Variants in RELN observed in about 807,000 individuals in gnomAD.
RELN encodes the protein reelin.
A neutral mutation model predicts 427.6 loss-of-function variants in RELN; 108 were observed. That is an observed-to-expected ratio of 0.25 (90% CI 0.22 to 0.30). The LOEUF is 0.30. Ranked by LOEUF, RELN falls within the 10% of genes least tolerant of loss-of-function variation. The probability of loss-of-function intolerance (pLI) is 1.00; values close to 1 mark genes in which losing one functional copy is unlikely to be tolerated. For synonymous variants in RELN, 1,524 were observed against 1,513.4 expected (o/e 1.01, Z -0.16); for missense variants, 3,715 against 4,302.8 (o/e 0.86, Z 3.82).
chr7:103,649,263 G>T (rs1359937113), intron 16 of RELN, among the ~76,000 whole-genome samples: 1 of 151,982 alleles, frequency 6.6e-6, no homozygotes. Flanking sequence ...CCATGAAAAA[G>T]AATGAAATCG....
Position 103,782,438 on chromosome 7 carries a change from G to A in RELN, c.474-5811C>T, listed in dbSNP as rs564451901. Among the ~76,000 whole-genome samples, 15 of 152,194 alleles carry A rather than the reference G, an allele frequency of 9.9e-5. No individual in the cohort carries two copies. In the South Asian group the frequency reaches 2.9e-3, roughly 29 times the overall value. ...ACTCTAGGCAACAGACTCCCTATCT[G>A]AGGATAGGGATAACTTGAAATAATA... On this transcript the variant is annotated intron_variant, in intron 3 of 64. Transcript: ENST00000428762.
intron 2 of RELN, among the ~76,000 whole-genome samples, chr7:103,912,967 C>T (rs959764253): frequency 1.3e-5 from 2 of 152,030 alleles, no homozygotes; most frequent in Non-Finnish European, 2.9e-5. Context: ...AAACATCACA[C>T]TTCCCAAGGG....
intron 17 of RELN, among the ~76,000 whole-genome samples, chr7:103,638,261 GCTA>G (rs1832625365): frequency 6.6e-6 from 1 of 152,054 alleles, no homozygotes; most frequent in Non-Finnish European, 1.5e-5. Context: ...CCACTGTTAA[GCTA>G]CATGGATGAC....
chr7:103,494,178 C>T (rs1298850558), intron 57 of RELN, among the ~76,000 whole-genome samples: 2 of 152,122 alleles, frequency 1.3e-5, no homozygotes, highest in African/African-American at 2.4e-5. Context: ...ATTTGGGGAG[C>T]TTGCCTTACC....
intron 8 of RELN, among the ~76,000 whole-genome samples, chr7:103,720,126 T>C (rs143481070): frequency 1.5e-3 from 229 of 151,696 alleles, no homozygotes; most frequent in Middle Eastern, 3.4e-3. Flanking sequence ...GATACACACA[T>C]GTATGTATAC....
At chr7:103,975,112 A>G (rs1796844079) in intron 1 of RELN, among the ~76,000 whole-genome samples, 2 of 152,256 alleles carry the variant, frequency 1.3e-5, no homozygotes, top group South Asian at 4.1e-4. Context: ...CTTTTCAAAC[A>G]TTGTTATCAC....
At chr7:103,632,730 G>A (rs964596954) in intron 19 of RELN, among the ~76,000 whole-genome samples, 1 of 151,950 alleles carries the variant, frequency 6.6e-6, no homozygotes, top group Non-Finnish European at 1.5e-5. Context: ...TTTTTTAAAT[G>A]TTTTATAGTA....
chr7:103,761,016 A>C (rs866413076), intron 4 of RELN, among the ~76,000 whole-genome samples: 1 of 152,218 alleles, frequency 6.6e-6, no homozygotes, highest in Non-Finnish European at 1.5e-5. Context: ...GTTCAAGAAC[A>C]TACTTATGCT....
chr7:103,495,023 A>C (rs2528871), intron 57 of RELN, among the ~76,000 whole-genome samples: 69,252 of 151,854 alleles, frequency 0.46, 18,581 homozygotes, highest in African/African-American at 0.75. Flanking sequence ...CAGAGTAGAG[A>C]TAGAAGTAGG....
At chr7:103,662,625 C>CAAAAAAAAAAAA (rs747230376) in intron 11 of RELN, among the ~76,000 whole-genome samples, 1 of 77,350 alleles carries the variant, frequency 1.3e-5, no homozygotes, top group African/African-American at 5.3e-5. Context: ...GACTCCGTCA[C>CAAAAAAAAAAAA]AAAAAAAAAA....
intron 6 of RELN, among the ~76,000 whole-genome samples, chr7:103,737,615 A>G (rs638355): frequency 0.22 from 33,285 of 152,182 alleles, 4,805 homozygotes; most frequent in African/African-American, 0.41. Flanking sequence ...GTATTTCTAT[A>G]CTATTTGTTC....
At chr7:103,743,358 C>T (rs1790722352) in intron 6 of RELN, among the ~76,000 whole-genome samples, 2 of 152,142 alleles carry the variant, frequency 1.3e-5, no homozygotes, top group Non-Finnish European at 2.9e-5. Flanking sequence ...CACCAACTAA[C>T]AAGCAAAATA....
intron 50 of RELN, chr7:103,513,149 C>A (rs148373402): frequency 6.6e-6 from 1 of 152,172 alleles, no homozygotes; most frequent in Non-Finnish European, 1.5e-5. Context: ...GGGGTACATA[C>A]TTCATTTTAT....
intron 2 of RELN, among the ~76,000 whole-genome samples, chr7:103,915,853 T>A (rs73183751): frequency 6.6e-6 from 1 of 152,328 alleles, no homozygotes; most frequent in Non-Finnish European, 1.5e-5. Flanking sequence ...GTATGTAATA[T>A]ACTTATGTAC....
chr7:103,855,589 A>C (rs1021103366), intron 2 of RELN, among the ~76,000 whole-genome samples: 5 of 152,166 alleles, frequency 3.3e-5, no homozygotes, highest in Admixed American at 6.5e-5. Context: ...TATGCCATTT[A>C]TTAGTTTTCT....
intron 41 of RELN, among the ~76,000 whole-genome samples, chr7:103,547,462 A>G (rs1019698703): frequency 1.3e-5 from 2 of 152,004 alleles, no homozygotes; most frequent in African/African-American, 4.8e-5. Flanking sequence ...ACGCCTGGCT[A>G]ATTTTTGTAT....
chr7:103,753,191 G>A lies in RELN; in HGVS notation c.568C>T (p.Pro190Ser), dbSNP rs1200261994. 2.5e-6 allele frequency: 4 copies of A among 1,613,976 alleles called. No homozygotes were observed. The highest frequency in any genetic ancestry group is 2.5e-6 in the Non-Finnish European group (3 of 1,179,926). The change falls in exon 5 of 65, where the codon CCA (proline) becomes TCA (serine). Residue 190 changes from proline (P) to serine (S), a missense_variant. Physicochemically the swap from Pro to Ser is moderately conservative, Grantham distance 74. Coordinates refer to ENST00000428762, the MANE Select transcript of RELN (RefSeq NM_005045.4). ...AGTCTTAAACACTTACCTAGATGTG[G>A]GTGCACAGTGACATCTGTTGGAGCT... is the stretch of plus-strand genomic sequence containing the variant. Reference protein sequence around the residue: ...QGAPTDVTVHPHLAEIHSDSI... With the variant: ...QGAPTDVTVHSHLAEIHSDSI...
At chr7:103,731,850 T>C (rs1443818689) in intron 6 of RELN, among the ~76,000 whole-genome samples, 1 of 152,152 alleles carries the variant, frequency 6.6e-6, no homozygotes, top group Non-Finnish European at 1.5e-5. Context: ...TTTAACAAGA[T>C]GTTTTATTTA....
At chr7:103,496,431 C>G in intron 56 of RELN, 95 bp downstream of exon 56, 1 of 1,529,092 alleles carries the variant, frequency 6.5e-7, no homozygotes. Flanking sequence ...GGGCTAGGCA[C>G]TCTTATAAAT....
Sources: gnomAD v4.1 joint callset for allele counts (sites outside exome capture counted in the v4.1 genomes callset) on GRCh38, gnomAD v4.1.1 for gene constraint, MANE v1.5 for transcripts, NCBI Gene and HGNC (gene_info 2026-07-23, HGNC 2026-07-21) for gene names.